SLC22A6: variants seen among roughly 807,000 people sequenced by gnomAD.
SLC22A6 encodes solute carrier family 22 member 6, also known as PAH transporter.
SLC22A6 carries 45 observed loss-of-function variants against 56.7 expected under a neutral mutation model. That is an observed-to-expected ratio of 0.79 (90% confidence interval 0.63 to 1.02). The LOEUF is 1.02. SLC22A6 is among the 50% of genes least tolerant of loss of function. The pLI is 0.00. For synonymous variants in SLC22A6, 291 were observed against 295.9 expected, an observed-to-expected ratio of 0.98 and a Z score of 0.17; for missense variants, 606 against 713.8, an observed-to-expected ratio of 0.85 and a Z score of 1.72.
rs1277438708 is a variant in SLC22A6, at chr11:62,983,794, CT to C, written c.474-104del. On this transcript the variant is annotated intron_variant, in intron 2 of 9. Coordinates refer to ENST00000360421, the MANE Select transcript of SLC22A6 (RefSeq NM_153276.3). This position sits in a 1 kb window ranked among gnomAD's most constrained non-coding sequence, Gnocchi z 4.5. ...CCCTGGATGATGCCTGGGCTGGGGC[CT>C]TTTGAGGACCTCTGAAGTATGAGGC... 4.6e-6 allele frequency: 6 copies of C among 1,292,204 alleles called. No homozygotes were observed. The African/African-American group carries it at 7.4e-5, about 16-fold the overall frequency. 80.0% of individuals were successfully genotyped at this position (1,292,204 alleles called of 1,614,324 possible).
chr11:62,977,548 T>C (rs1464672773), intron 8 of SLC22A6, among the ~76,000 whole-genome samples, 161 bp from the exon 9 acceptor site: 3 of 152,166 alleles, frequency 2.0e-5, no homozygotes, highest in Non-Finnish European at 2.9e-5. Flanking sequence ...CGATTTTTTT[T>C]TTTCTTGTAG....
At position 62,977,317 on chromosome 11, in the gene SLC22A6, T is replaced by C; in HGVS notation, c.1432A>G (p.Thr478Ala). ...GGCATGGAGGGGTAGAGCTCGGCAG[T>C]CATGCTCACCAGTGGGCTCACGATG... is the stretch of plus-strand genomic sequence containing the variant. ...GSIVSPLVSM[T>A]AELYPSMPLF... The change falls in exon 9 of 10, where the codon ACT becomes GCT. Residue 478 changes from threonine to alanine, a missense_variant. Transcript: ENST00000360421. 3 of 1,613,610 alleles carry C rather than the reference T, an allele frequency of 1.9e-6. No homozygotes were observed. Among genetic ancestry groups the C allele is most frequent in the Non-Finnish European group, 2.5e-6 (3 of 1,179,944 alleles).
chr11:62,979,354 C>T, intron 8 of SLC22A6, 134 bp downstream of exon 8: 1 of 672,132 alleles, frequency 1.5e-6, no homozygotes. Context: ...CTACTATGTG[C>T]CTTGCAATGA....
At position 62,984,389 on chromosome 11, in the gene SLC22A6, G is replaced by A. The variant is rs2086293048; in HGVS notation, c.302C>T (p.Ala101Val). The A allele has an allele frequency of 1.2e-6, 2 of 1,613,980 alleles. No individual in the cohort carries two copies. ...CCAGCCATCGGTGCAGGGCTCTGTG[G>A]CCCCTGTGCCATTGGCTTCTGTGCC... ...LNGTEANGTGATEPCTDGWIY... is the reference protein window; with the variant it reads ...LNGTEANGTGVTEPCTDGWIY... Residue 101 changes from alanine to valine, a missense_variant, in exon 1 of 10, where the codon GCC (alanine) becomes GTC (valine). Physicochemically the swap from Ala to Val is moderately conservative, Grantham distance 64. Coordinates refer to ENST00000360421, the MANE Select transcript of SLC22A6 (RefSeq NM_153276.3).
In SLC22A6 at chr11:62,979,774, C is replaced by T. The variant is rs770092367; in HGVS notation, c.1212G>A (p.Leu404=). 6.2e-7 allele frequency: 1 copy of T among 1,614,152 alleles called. No homozygotes were observed. Among genetic ancestry groups the T allele is most frequent in the Non-Finnish European group, 8.5e-7 (1 of 1,180,032 alleles). The change falls in exon 7 of 10, where the codon CTG becomes CTA. Residue 404 remains leucine, a synonymous_variant. Transcript: ENST00000360421. ...CATTGAGCAGGATGCAGATGCCTGCCAGCAGCAGTGCAGCCATCTGGGCAG... is the reference window on the plus strand; with the variant it reads ...CATTGAGCAGGATGCAGATGCCTGCTAGCAGCAGTGCAGCCATCTGGGCAG... The part of the protein sequence containing the change: ...RRPAQMAALL[L]AGICILLNGV...
In SLC22A6 at chr11:62,982,007, A is replaced by C. The variant is rs1412915261; in HGVS notation, c.632T>G (p.Val211Gly). ...CCGTGTGTGAATGGGCATCCACTCC[A>C]CATCTGGAAAGAGGGTTAAGACAGG... The part of the protein sequence containing the change: ...GISLNCMTLN[V>G]EWMPIHTRAC... Residue 211 changes from valine to glycine, a missense_variant, in exon 4 of 10, where the codon GTG becomes GGG. Transcript: ENST00000360421. 6.2e-7 allele frequency: 1 copy of C among 1,613,302 alleles called. No individual in the cohort carries two copies. The highest frequency in any genetic ancestry group is 2.2e-5 in the East Asian group (1 of 44,880).
At chr11:62,978,668 T>C (rs1590673279) in intron 8 of SLC22A6, among the ~76,000 whole-genome samples, 1 of 148,934 alleles carries the variant, frequency 6.7e-6, no homozygotes, top group Admixed American at 6.8e-5. Flanking sequence ...CTTGGCTCAC[T>C]GCAAGCTCCG....
chr11:62,983,479 G>C lies in SLC22A6; in HGVS notation c.628+58C>G. 1 of 1,534,958 alleles carries C rather than the reference G, an allele frequency of 6.5e-7. No homozygotes were observed. The highest frequency in any genetic ancestry group is 8.8e-7 in the Non-Finnish European group (1 of 1,136,072). On this transcript the variant is annotated intron_variant, in intron 3 of 9. Coordinates refer to ENST00000360421, the MANE Select transcript of SLC22A6 (RefSeq NM_153276.3). This position sits in a 1 kb window ranked among gnomAD's most constrained non-coding sequence, Gnocchi z 4.5. ...GAGGGGCAGGCTGGGAGGGGAGGCT[G>C]GAAAGGGGTTGCTGGGCTGGGTGGC...
intron 8 of SLC22A6, among the ~76,000 whole-genome samples, chr11:62,978,842 G>A (rs1008543184): frequency 2.6e-5 from 4 of 151,938 alleles, no homozygotes; most frequent in Admixed American, 6.6e-5. Flanking sequence ...TGCCTGCCTC[G>A]GCCTCCCAAA....
intron 3 of SLC22A6, 91 bp from the exon 4 acceptor site, chr11:62,982,101 A>G: frequency 7.7e-7 from 1 of 1,304,806 alleles, no homozygotes; most frequent in Non-Finnish European, 1.0e-6. Flanking sequence ...GGCCTGTCCC[A>G]AGGCTCAGTG....
chr11:62,982,567 G>A (rs1489903303), intron 3 of SLC22A6, among the ~76,000 whole-genome samples: 1 of 152,194 alleles, frequency 6.6e-6, no homozygotes, highest in African/African-American at 2.4e-5. Flanking sequence ...TCTTGCCCAG[G>A]CTCTAGCCCA....
Position 62,981,403 on chromosome 11 carries a change from TGGG to T in SLC22A6, c.798-23_798-21del. On this transcript the variant is annotated intron_variant, in intron 4 of 9. Transcript: ENST00000360421. ...AAGAACCTGGGAGCGGGGGTGGGGG[TGGG>T]TGTCAGCATGGCTTCAGTTCCAGTC... is the stretch of plus-strand genomic sequence containing the variant. The T allele has an allele frequency of 2.4e-6, 1 of 420,976 alleles. No homozygotes were observed. Among genetic ancestry groups the T allele is most frequent in the South Asian group, 2.8e-5 (1 of 36,148 alleles). The allele number at this position is 420,976 out of a possible 1,614,324, so 26.1% of individuals were successfully genotyped here. A position where few individuals can be genotyped will look rare whatever the true frequency, so the allele number is the denominator to read the frequency against.
chr11:62,976,889 G>T lies in SLC22A6; in HGVS notation c.1566-8C>A. On this transcript the variant is annotated splice_polypyrimidine_tract_variant and splice_region_variant and intron_variant, in intron 9 of 9. Coordinates refer to ENST00000360421, the MANE Select transcript of SLC22A6 (RefSeq NM_153276.3). The stretch of plus-strand genomic sequence containing the variant: ...CGCGTCTGTTTCCCTTTCCTGCAGG[G>T]CGGCAGAAGAATGGCACTCTGGGTA... 1 of 1,613,646 alleles carries T rather than the reference G, an allele frequency of 6.2e-7. No individual in the cohort carries two copies. The highest frequency in any genetic ancestry group is 8.5e-7 in the Non-Finnish European group (1 of 1,179,872).
intron 8 of SLC22A6, among the ~76,000 whole-genome samples, chr11:62,978,350 T>TTTATTTTATTTTATTTTATA: frequency 6.6e-6 from 1 of 150,858 alleles, no homozygotes; most frequent in South Asian, 2.1e-4. Context: ...TTTATTTTAT[T>TTTATTTTATTTTATTTTATA]TTATTTTATT....
chr11:62,978,174 C>CAAG (rs1565283942), intron 8 of SLC22A6, among the ~76,000 whole-genome samples: 1 of 152,158 alleles, frequency 6.6e-6, no homozygotes, highest in Admixed American at 6.5e-5. Context: ...ATTGCTCTTT[C>CAAG]ATCTGAAATC....
intron 6 of SLC22A6, among the ~76,000 whole-genome samples, chr11:62,980,633 A>G (rs1168112632): frequency 6.6e-6 from 1 of 152,234 alleles, no homozygotes; most frequent in African/African-American, 2.4e-5. Flanking sequence ...TGTTTCTGGC[A>G]GGCACCATCA....
rs372741882 is a variant in SLC22A6 at position 62,983,449 on chromosome 11, C to T, written c.628+88G>A. Reference sequence around the variant, plus strand: ...GAGAGAGGCTGGAGGGCAGGCAGGGCTCAGGAGGGGCAGGCTGGGAGGGGA... The same window carrying T: ...GAGAGAGGCTGGAGGGCAGGCAGGGTTCAGGAGGGGCAGGCTGGGAGGGGA... On this transcript the variant is annotated intron_variant, in intron 3 of 9. Transcript: ENST00000360421. The surrounding 1 kb of genome is among the most constrained non-coding windows in gnomAD (Gnocchi z 4.5). 11 of 1,394,280 alleles carry T rather than the reference C, an allele frequency of 7.9e-6. 1 individual carries two copies. The African/African-American group carries it at 1.0e-4, about 13-fold the overall frequency. The allele number at this position is 1,394,280 out of a possible 1,614,324, so 86.4% of individuals were successfully genotyped here. A position where few individuals can be genotyped will look rare whatever the true frequency, so the allele number is the denominator to read the frequency against.
At chr11:62,982,079 C>T in intron 3 of SLC22A6, 69 bp from the exon 4 acceptor site, 1 of 1,492,164 alleles carries the variant, frequency 6.7e-7, no homozygotes, top group Non-Finnish European at 9.1e-7. Context: ...CCCCTCCCTC[C>T]ATCCAAACCT....
intron 8 of SLC22A6, among the ~76,000 whole-genome samples, chr11:62,977,860 CT>C (rs1240881064): frequency 6.6e-6 from 1 of 152,174 alleles, no homozygotes; most frequent in East Asian, 1.9e-4. Flanking sequence ...CAACATACAC[CT>C]ATTGGATTAG....
Sources: gnomAD v4.1 joint callset for allele counts (sites outside exome capture counted in the v4.1 genomes callset) on GRCh38, gnomAD v4.1.1 for gene constraint, Gnocchi (gnomAD v3.1) non-coding constraint, MANE v1.5 for transcripts, NCBI Gene and HGNC (gene_info 2026-07-23, HGNC 2026-07-21) for gene names.